Variants in NELFA observed in about 807,000 individuals in gnomAD.
The protein encoded by NELFA is negative elongation factor A.
Under a neutral mutation model 51.8 loss-of-function variants are expected in NELFA, and 35 were observed. That is an observed-to-expected ratio of 0.68 (90% CI 0.52 to 0.90). The LOEUF is 0.90. NELFA is among the 40% of genes least tolerant of loss of function. The pLI, the probability that NELFA is intolerant of heterozygous loss-of-function variation, is 0.00. For synonymous variants in NELFA, 417 were observed against 338.4 expected (o/e 1.23, Z -2.55); for missense variants, 658 against 746.4 (o/e 0.88, Z 1.38).
Position 1,983,430 on chromosome 4 carries a change from C to A in NELFA, c.1476G>T (p.Ala492=), listed in dbSNP as rs372612873. 3 of 1,614,202 alleles carry A rather than the reference C, an allele frequency of 1.9e-6. No homozygotes were observed. The highest frequency in any genetic ancestry group is 1.1e-5 in the South Asian group (1 of 91,086). The part of the protein sequence containing the change: ...LSEHTEDLPK[A]DGQGSTTMLV... ...GCATGGTTGTGCTACCCTGGCCGTC[C>A]GCCTTGGGCAGGTCCTCCGTGTGCT... is the stretch of plus-strand genomic sequence containing the variant. Residue 492 remains alanine (A), a synonymous_variant, in exon 11 of 11, where the codon GCG becomes GCT. Coordinates refer to ENST00000382882, the MANE Select transcript of NELFA (RefSeq NM_005663.5).
At position 1,983,478 on chromosome 4, in the gene NELFA, G is replaced by A. The variant is rs756065237; in HGVS notation, c.1428C>T (p.Asp476=). ...SRENPCQEQG[D]VIQIKLSEHT... Reference sequence around the variant, plus strand: ...GCTCGCTCAGCTTGATCTGGATCACGTCCCCCTGCTCCTGGCACGGGTTCT... The same window carrying A: ...GCTCGCTCAGCTTGATCTGGATCACATCCCCCTGCTCCTGGCACGGGTTCT... The change falls in exon 11 of 11, where the codon GAC becomes GAT. Residue 476 remains aspartate (D), a synonymous_variant. Coordinates refer to ENST00000382882, the MANE Select transcript of NELFA (RefSeq NM_005663.5). 116 of 1,613,982 alleles carry A rather than the reference G, an allele frequency of 7.2e-5. No homozygotes were observed. Among genetic ancestry groups the A allele is most frequent in the Middle Eastern group, 1.6e-4 (1 of 6,084 alleles).
At position 1,989,910 on chromosome 4, in the gene NELFA, G is replaced by C; in HGVS notation, c.383-41C>G. 2 of 1,595,656 alleles carry C rather than the reference G, an allele frequency of 1.3e-6. No individual in the cohort carries two copies. The highest frequency in any genetic ancestry group is 8.5e-7 in the Non-Finnish European group (1 of 1,170,362). On this transcript the variant is annotated intron_variant, in intron 2 of 10. Coordinates refer to ENST00000382882, the MANE Select transcript of NELFA (RefSeq NM_005663.5). This position sits in a 1 kb window ranked among gnomAD's most constrained non-coding sequence, Gnocchi z 4.8. ...ACATGAAGTTAGGGGCGCCCAGGCC[G>C]CAGACCTCCCGGCTGAGAGGAGCTG...
At chr4:1,992,330 G>C (rs1313146419) in intron 1 of NELFA, 1 of 252,014 alleles carries the variant, frequency 4.0e-6, no homozygotes, top group African/African-American at 2.4e-5. Flanking sequence ...GATCTGGAGT[G>C]AGGCCAGGGC....
At chr4:1,994,760 C>A (rs1728376910) in intron 1 of NELFA, among the ~76,000 whole-genome samples, 1 of 148,374 alleles carries the variant, frequency 6.7e-6, no homozygotes, top group Non-Finnish European at 1.5e-5. Flanking sequence ...GAGGCTGAGG[C>A]AGGAGAATGG....
At chr4:1,991,818 G>T in intron 1 of NELFA, 103 bp from the exon 2 acceptor site, 2 of 1,259,390 alleles carry the variant, frequency 1.6e-6, no homozygotes, top group Non-Finnish European at 1.1e-6. Context: ...CGGGCTCTCT[G>T]GCAGTTGCCC....
At chr4:2,000,867 C>T (rs192369806) in intron 1 of NELFA, among the ~76,000 whole-genome samples, 10 of 152,310 alleles carry the variant, frequency 6.6e-5, no homozygotes, top group Admixed American at 6.5e-4. Flanking sequence ...GCCAACATCC[C>T]TGATGAACAT....
At position 1,983,670 on chromosome 4, in the gene NELFA, TC is replaced by T. The variant is rs1421916924; in HGVS notation, c.1327del (p.Glu443ArgfsTer35). The T allele has an allele frequency of 6.2e-7, 1 of 1,613,870 alleles. No individual in the cohort carries two copies. The highest frequency in any genetic ancestry group is 8.5e-7 in the Non-Finnish European group (1 of 1,179,986). On this transcript the variant is annotated frameshift_variant, in exon 10 of 11. Coordinates refer to ENST00000382882, the MANE Select transcript of NELFA (RefSeq NM_005663.5). LOFTEE classifies it high-confidence loss of function. ...GACTTTGTTGGCCGTCTTGAACATC[TC>T]CTGGGCAGCGAACATCTGCTCTCTC... Reference protein sequence around the residue: ...LTREQMFAAQEMFKTANKVTR... With the variant: ...LTREQMFAAQXMFKTANKVTR...
intron 1 of NELFA, among the ~76,000 whole-genome samples, chr4:1,993,904 G>A (rs1006433937): frequency 6.6e-6 from 1 of 151,076 alleles, no homozygotes; most frequent in Non-Finnish European, 1.5e-5. Context: ...CAGGTCCAGC[G>A]ATTCTCCTGC....
Position 1,993,624 on chromosome 4 carries a change from A to G in NELFA, c.211-1909T>C, listed in dbSNP as rs552915404. Among the ~76,000 whole-genome samples the G allele has an allele frequency of 1.1e-4, 16 of 151,726 alleles. No homozygotes were observed. The South Asian group carries it at 3.3e-3, about 32-fold the overall frequency. The stretch of plus-strand genomic sequence containing the variant: ...GAAAGAAAAAGAAAAGAAAGAAAGA[A>G]AAAAGAAAATGCTTGGCTTACACAC... On this transcript the variant is annotated intron_variant, in intron 1 of 10. Transcript: ENST00000382882.
At chr4:1,992,015 T>G in intron 1 of NELFA, 1 of 313,016 alleles carries the variant, frequency 3.2e-6, no homozygotes, top group African/African-American at 2.2e-5. Context: ...GGTGCGCAGA[T>G]GCAAGAAAAC....
chr4:1,993,508 G>A (rs536402660), intron 1 of NELFA, among the ~76,000 whole-genome samples: 2 of 151,854 alleles, frequency 1.3e-5, no homozygotes, highest in South Asian at 4.2e-4. Flanking sequence ...GAACCCAGGA[G>A]GCGGAGGTTG....
At position 1,991,691 on chromosome 4, in the gene NELFA, T is replaced by C. The variant is rs768959622; in HGVS notation, c.235A>G (p.Ile79Val). 6.2e-7 allele frequency: 1 copy of C among 1,610,846 alleles called. No homozygotes were observed. The highest frequency in any genetic ancestry group is 8.5e-7 in the Non-Finnish European group (1 of 1,178,750). ...DEMKGALMEI[I>V]QLASLDSDPW... ...TCCGAGTCGAGGCTGGCGAGCTGGA[T>C]GATCTCCATTAGGGCGCCCTTCATC... Residue 79 changes from isoleucine to valine, a missense_variant, in exon 2 of 11, where the codon ATC becomes GTC. This residue lies in a region of NELFA where 371 missense variants were observed against 448.3 expected (regional missense o/e 0.83). Coordinates refer to ENST00000382882, the MANE Select transcript of NELFA (RefSeq NM_005663.5).
intron 1 of NELFA, among the ~76,000 whole-genome samples, chr4:1,999,920 AAC>A (rs1341416856): frequency 6.6e-6 from 1 of 152,220 alleles, no homozygotes. Context: ...CTGAAATCAT[AAC>A]AGTCTCTCAG....
chr4:1,992,993 A>T (rs1486528287), intron 1 of NELFA, among the ~76,000 whole-genome samples: 4 of 152,156 alleles, frequency 2.6e-5, no homozygotes, highest in Non-Finnish European at 5.9e-5. Context: ...GCCCGAGCTG[A>T]GTGCGCGATG....
At chr4:1,987,019 C>T (rs1445385985) in intron 4 of NELFA, among the ~76,000 whole-genome samples, 10 of 152,144 alleles carry the variant, frequency 6.6e-5, no homozygotes, top group Non-Finnish European at 1.0e-4. Context: ...GGGTCTGCTC[C>T]AGGCGGGGTA....
At chr4:1,986,089 C>A (rs1454363690) in intron 6 of NELFA, 25 bp downstream of exon 6, 10 of 1,548,926 alleles carry the variant, frequency 6.5e-6, no homozygotes, top group African/African-American at 1.4e-5. Context: ...CCCATTGCCG[C>A]CGACACGCAG....
chr4:2,008,768 C>T lies in NELFA; in HGVS notation c.192G>A (p.Pro64=), dbSNP rs768198542. 12 of 1,610,380 alleles carry T rather than the reference C, an allele frequency of 7.5e-6. No individual in the cohort carries two copies. The Admixed American group carries it at 1.7e-4, about 22-fold the overall frequency. Residue 64 remains proline, a synonymous_variant, in exon 1 of 11, where the codon CCG becomes CCA. Transcript: ENST00000382882. The part of the protein sequence containing the change: ...LKLLLGTLHL[P]RRTVDEMKGA... ...GCCTTACCTCGTCCACCGTGCGGCG[C>T]GGGAGGTGCAGCGTCCCGAGTAGCA...
chr4:2,004,768 A>C (rs1009833376), intron 1 of NELFA, among the ~76,000 whole-genome samples: 4 of 146,826 alleles, frequency 2.7e-5, no homozygotes, highest in Non-Finnish European at 6.0e-5. Context: ...GATTACAGGC[A>C]TGAGCTACTG....
intron 1 of NELFA, chr4:2,004,086 G>C (rs903664828): frequency 3.9e-5 from 6 of 152,062 alleles, no homozygotes; most frequent in African/African-American, 1.5e-4. Flanking sequence ...TTGAACCTGG[G>C]AGGCGCAGGT....
Sources: gnomAD v4.1 joint callset for allele counts (sites outside exome capture counted in the v4.1 genomes callset) on GRCh38, gnomAD v4.1.1 for gene constraint, gnomAD v4.1.1 regional missense constraint, Gnocchi (gnomAD v3.1) non-coding constraint, MANE v1.5 for transcripts, NCBI Gene and HGNC (gene_info 2026-07-23, HGNC 2026-07-21) for gene names.